IMMP2L: variants seen among roughly 807,000 people sequenced by gnomAD.
IMMP2L encodes the protein mitochondrial inner membrane protease subunit 2.
In IMMP2L, 18 loss-of-function variants were observed where a neutral mutation model predicts 19.3. That is an observed-to-expected ratio of 0.93 (90% CI 0.64 to 1.38). The LOEUF is 1.38. IMMP2L is among the 40% of genes most tolerant of loss of function. IMMP2L has a pLI of 0.00. For missense variants in IMMP2L, 233 were observed against 218.2 expected (o/e 1.07, Z -0.43); for synonymous variants, 76 against 73.0 (o/e 1.04, Z -0.21).
In IMMP2L at chr7:111,135,239, A is replaced by G. The variant is rs553043436; in HGVS notation, c.240-171674T>C. ...AACTAAAATCAAATATGAGGATATT[A>G]TAACACTCTACTGATTACATATCTA... On this transcript the variant is annotated intron_variant, in intron 3 of 5. Transcript: ENST00000405709. Among the ~76,000 whole-genome samples the G allele has an allele frequency of 1.2e-4, 18 of 152,310 alleles. No homozygotes were observed. In the East Asian group the frequency reaches 3.1e-3, roughly 26 times the overall value.
chr7:111,452,878 A>C (rs1839337616), intron 3 of IMMP2L, among the ~76,000 whole-genome samples: 1 of 152,168 alleles, frequency 6.6e-6, no homozygotes, highest in Admixed American at 6.5e-5. Context: ...CATATTTACT[A>C]TACCTATTAT....
intron 3 of IMMP2L, among the ~76,000 whole-genome samples, chr7:111,034,218 G>T (rs538509998): frequency 1.3e-5 from 2 of 152,066 alleles, no homozygotes; most frequent in Admixed American, 1.3e-4. Flanking sequence ...CTTGACACAA[G>T]GTTGTATAAA....
At chr7:110,844,255 A>AAAATGT (rs1805411611) in intron 5 of IMMP2L, among the ~76,000 whole-genome samples, 1 of 152,300 alleles carries the variant, frequency 6.6e-6, no homozygotes, top group African/African-American at 2.4e-5. Flanking sequence ...GAAATGTAAC[A>AAAATGT]AATTATTAAA....
intron 3 of IMMP2L, among the ~76,000 whole-genome samples, chr7:111,014,664 A>G (rs959943535): frequency 6.6e-6 from 1 of 152,132 alleles, no homozygotes; most frequent in African/African-American, 2.4e-5. Flanking sequence ...GGGAAAAAAA[A>G]TCATATATTT....
chr7:110,833,303 GT>G (rs1419724357), intron 5 of IMMP2L, among the ~76,000 whole-genome samples: 1 of 151,930 alleles, frequency 6.6e-6, no homozygotes, highest in Non-Finnish European at 1.5e-5. Context: ...GCAGGGTGTG[GT>G]GGTGGGTGCC....
intron 4 of IMMP2L, chr7:110,963,123 C>A: frequency 6.7e-7 from 1 of 1,491,554 alleles, no homozygotes; most frequent in Non-Finnish European, 8.9e-7. Context: ...TTAGTTTCTG[C>A]ATTTGCTTCT....
intron 3 of IMMP2L, among the ~76,000 whole-genome samples, chr7:111,224,146 T>C (rs889349650): frequency 6.6e-6 from 1 of 152,018 alleles, no homozygotes; most frequent in African/African-American, 2.4e-5. Context: ...GACACTGCCC[T>C]GCAAATCTCA....
intron 2 of IMMP2L, among the ~76,000 whole-genome samples, chr7:111,497,990 A>G (rs1843754102): frequency 6.6e-6 from 1 of 151,914 alleles, no homozygotes. Flanking sequence ...GTTTTTTGCC[A>G]ATCAATATGC....
intron 4 of IMMP2L, among the ~76,000 whole-genome samples, chr7:110,920,705 A>G (rs1442662442): frequency 6.6e-6 from 1 of 152,194 alleles, no homozygotes; most frequent in Admixed American, 6.6e-5. Context: ...AATGATCACT[A>G]TGGGGTATGT....
At chr7:110,772,923 C>T (rs760929897) in intron 5 of IMMP2L, among the ~76,000 whole-genome samples, 3 of 151,966 alleles carry the variant, frequency 2.0e-5, no homozygotes, top group South Asian at 2.1e-4. Context: ...CAGTTTCGAA[C>T]GAGAAGTACT....
chr7:111,435,518 C>T (rs944984292), intron 3 of IMMP2L, among the ~76,000 whole-genome samples: 1 of 151,708 alleles, frequency 6.6e-6, no homozygotes, highest in Non-Finnish European at 1.5e-5. Context: ...ACACTGCAGA[C>T]TCCAAAAGGT....
chr7:111,466,178 G>A (rs944824675), intron 3 of IMMP2L, among the ~76,000 whole-genome samples: 3 of 152,086 alleles, frequency 2.0e-5, no homozygotes, highest in Non-Finnish European at 4.4e-5. Context: ...CCTGTTGTGG[G>A]GTGGAGGGAG....
intron 3 of IMMP2L, among the ~76,000 whole-genome samples, chr7:111,195,279 A>G (rs551156156): frequency 3.5e-4 from 54 of 152,292 alleles, no homozygotes; most frequent in South Asian, 2.1e-4. Flanking sequence ...ATATTTTTGG[A>G]AGATTAGATG....
chr7:111,214,312 T>A (rs1013996892), intron 3 of IMMP2L, among the ~76,000 whole-genome samples: 2 of 147,390 alleles, frequency 1.4e-5, no homozygotes, highest in Non-Finnish European at 3.0e-5. Flanking sequence ...AGTGAATGAA[T>A]GACAAAGTAA....
At chr7:111,504,421 C>T (rs1191853215) in intron 2 of IMMP2L, among the ~76,000 whole-genome samples, 2 of 151,390 alleles carry the variant, frequency 1.3e-5, no homozygotes, top group Non-Finnish European at 3.0e-5. Context: ...GATTCAATGC[C>T]ATCCCCATCA....
intron 3 of IMMP2L, among the ~76,000 whole-genome samples, chr7:111,269,349 T>C (rs911620067): frequency 5.9e-5 from 9 of 152,286 alleles, no homozygotes; most frequent in African/African-American, 1.9e-4. Context: ...ATTATTCATA[T>C]GGAAAGACTG....
chr7:111,147,091 C>T (rs976350098), intron 3 of IMMP2L, among the ~76,000 whole-genome samples: 1 of 152,016 alleles, frequency 6.6e-6, no homozygotes, highest in African/African-American at 2.4e-5. Context: ...TTCTTAGATG[C>T]TAATCTTGTT....
intron 5 of IMMP2L, among the ~76,000 whole-genome samples, chr7:110,706,398 C>A (rs1052141788): frequency 2.6e-5 from 4 of 152,200 alleles, no homozygotes; most frequent in Non-Finnish European, 4.4e-5. Context: ...GCCACTATGT[C>A]CAGCAGTAGT....
In IMMP2L at chr7:111,557,218, C is replaced by G. The variant is rs185596751; in HGVS notation, c.-3+4633G>C. ...AAAGCTTCCAGTCTTGCCATGACCC[C>G]ACACCCAACCCCACTCTACCCTCAA... is the stretch of plus-strand genomic sequence containing the variant. On this transcript the variant is annotated intron_variant, in intron 1 of 5. Transcript: ENST00000405709. 5.2e-3 allele frequency among the ~76,000 whole-genome samples: 798 copies of G among 152,070 alleles called. 8 individuals carry two copies. The highest frequency in any genetic ancestry group is 5.2e-3 in the Non-Finnish European group (352 of 67,962).
Sources: gnomAD v4.1 joint callset for allele counts (sites outside exome capture counted in the v4.1 genomes callset) on GRCh38, gnomAD v4.1.1 for gene constraint, MANE v1.5 for transcripts, NCBI Gene and HGNC (gene_info 2026-07-23, HGNC 2026-07-21) for gene names.